The following ZDHHC14 variants were observed in gnomAD, a reference collection of about 807,000 sequenced individuals.
ZDHHC14 encodes the protein zDHHC palmitoyltransferase 14, also known as palmitoyltransferase ZDHHC14.
ZDHHC14 carries 16 observed loss-of-function variants against 47.7 expected under a neutral mutation model. The ratio of observed to expected loss-of-function variants is 0.34; its 90% CI spans 0.23 to 0.51. The LOEUF is 0.51. Among genes scored for constraint, ZDHHC14 ranks in the 20% least tolerant of loss-of-function variants. ZDHHC14 has a pLI of 0.97. For synonymous variants in ZDHHC14, 293 were observed against 278.9 expected, an observed-to-expected ratio of 1.05 and a Z score of -0.50; for missense variants, 515 against 662.5, an observed-to-expected ratio of 0.78 and a Z score of 2.44.
intron 8 of ZDHHC14, 97 bp downstream of exon 8, chr6:157,653,724 G>A (rs1777951210): frequency 7.8e-7 from 1 of 1,281,284 alleles, no homozygotes; most frequent in African/African-American, 1.5e-5. Context: ...ACCTCCCCAG[G>A]AGCGGGGGCA....
chr6:157,672,641 C>CCCGG, intron 8 of ZDHHC14, 83 bp from the exon 9 acceptor site: 1 of 503,004 alleles, frequency 2.0e-6, no homozygotes, highest in Non-Finnish European at 3.5e-6. Flanking sequence ...CCTCCCCGCC[C>CCCGG]GTGCCCTGTC....
intron 8 of ZDHHC14, among the ~76,000 whole-genome samples, chr6:157,669,882 G>A (rs1778715979): frequency 6.6e-6 from 1 of 152,246 alleles, no homozygotes; most frequent in Non-Finnish European, 1.5e-5. Context: ...GAGTGCCGCT[G>A]CGGCTCAGCT....
chr6:157,447,419 A>T (rs190230746), intron 1 of ZDHHC14, among the ~76,000 whole-genome samples: 6 of 152,350 alleles, frequency 3.9e-5, no homozygotes, highest in Non-Finnish European at 7.3e-5. Context: ...CGGAGGCTGC[A>T]CAGGCTCTTC....
chr6:157,490,079 G>T (rs551501529), intron 1 of ZDHHC14, among the ~76,000 whole-genome samples: 19 of 152,122 alleles, frequency 1.2e-4, no homozygotes, highest in African/African-American at 4.8e-5. Flanking sequence ...GAGATCAAGG[G>T]TGACCCCCCT....
At chr6:157,629,485 G>A (rs1206751945) in intron 4 of ZDHHC14, 1 of 152,200 alleles carries the variant, frequency 6.6e-6, no homozygotes, top group Non-Finnish European at 1.5e-5. Flanking sequence ...GCTCACGTTA[G>A]GAGTACATCT....
chr6:157,543,276 A>G (rs1410629977), intron 2 of ZDHHC14, among the ~76,000 whole-genome samples: 2 of 152,122 alleles, frequency 1.3e-5, no homozygotes, highest in African/African-American at 2.4e-5. Flanking sequence ...TAAAACCTAT[A>G]CTAAAGTTTA....
intron 2 of ZDHHC14, among the ~76,000 whole-genome samples, chr6:157,576,642 C>T (rs1009283033): frequency 1.3e-5 from 2 of 152,206 alleles, no homozygotes; most frequent in East Asian, 1.9e-4. Flanking sequence ...TGTACTCCAG[C>T]AAATTCAATA....
At position 157,672,624 on chromosome 6, in the gene ZDHHC14, A is replaced by AGCCCCC; in HGVS notation, c.1069-100_1069-99insGCCCCC. 2.2e-5 allele frequency: 6 copies of AGCCCCC among 273,142 alleles called. 1 individual carries two copies. The highest frequency in any genetic ancestry group is 2.9e-5 in the Non-Finnish European group (4 of 138,150). The allele number at this position is 273,142 out of a possible 1,614,324, so 16.9% of individuals were successfully genotyped here. A position where few individuals can be genotyped will look rare whatever the true frequency, so the allele number is the denominator to read the frequency against. On this transcript the variant is annotated intron_variant, in intron 8 of 8. Coordinates refer to ENST00000359775, the MANE Select transcript of ZDHHC14 (RefSeq NM_024630.3). ...TCACTAACGGTTTCTCTCTTCTCGCACCCCACCCTCCCCGCCCGTGCCCTG... is the reference window on the plus strand; with the variant it reads ...TCACTAACGGTTTCTCTCTTCTCGCAGCCCCCCCCCACCCTCCCCGCCCGTGCCCTG...
chr6:157,410,420 T>A (rs1388756508), intron 1 of ZDHHC14, among the ~76,000 whole-genome samples: 1 of 152,186 alleles, frequency 6.6e-6, no homozygotes, highest in Non-Finnish European at 1.5e-5. Context: ...TATAAAAAAA[T>A]GATTCTGAAT....
At chr6:157,611,290 G>A (rs1377236225) in intron 3 of ZDHHC14, among the ~76,000 whole-genome samples, 3 of 152,270 alleles carry the variant, frequency 2.0e-5, no homozygotes, top group South Asian at 2.1e-4. Flanking sequence ...ATGAGCCCCC[G>A]CGCCTGGCCA....
At chr6:157,484,289 ATGTG>A (rs534904454) in intron 1 of ZDHHC14, among the ~76,000 whole-genome samples, 12 of 96,204 alleles carry the variant, frequency 1.2e-4, no homozygotes, top group African/African-American at 4.1e-4. Flanking sequence ...GTATATATAT[ATGTG>A]TATATATATA....
chr6:157,381,579 C>A lies in ZDHHC14; in HGVS notation c.-443C>A, dbSNP rs1233634761. 1.5e-5 allele frequency: 6 copies of A among 398,516 alleles called. No individual in the cohort carries two copies. The highest frequency in any genetic ancestry group is 3.0e-5 in the Non-Finnish European group (6 of 199,532). 24.7% of individuals were successfully genotyped at this position (398,516 alleles called of 1,614,324 possible). ...CAGAAGTGGCTCCCGAGGAAGCCGG[C>A]GCCGGGGCCGCCGCCTCGTGTCCCC... On this transcript the variant is annotated 5_prime_UTR_variant, in exon 1 of 9. Coordinates refer to ENST00000359775, the MANE Select transcript of ZDHHC14 (RefSeq NM_024630.3).
intron 2 of ZDHHC14, among the ~76,000 whole-genome samples, chr6:157,571,620 C>G (rs1783099435): frequency 6.6e-6 from 1 of 152,102 alleles, no homozygotes; most frequent in Admixed American, 6.6e-5. Context: ...TGCTTAGATT[C>G]CCCAGCTAAT....
chr6:157,540,910 G>GTGTATATA (rs1284429244), intron 1 of ZDHHC14, among the ~76,000 whole-genome samples: 6 of 122,978 alleles, frequency 4.9e-5, no homozygotes, highest in African/African-American at 2.6e-4. Flanking sequence ...GTGTGTGTGT[G>GTGTATATA]TATATATATA....
At chr6:157,598,280 AG>A (rs555590562) in intron 3 of ZDHHC14, among the ~76,000 whole-genome samples, 48 of 152,220 alleles carry the variant, frequency 3.2e-4, no homozygotes, top group Non-Finnish European at 6.2e-4. Context: ...GGGTATGATG[AG>A]GGGGCTATTA....
chr6:157,410,219 ATT>A (rs1398973709), intron 1 of ZDHHC14, among the ~76,000 whole-genome samples: 1 of 152,030 alleles, frequency 6.6e-6, no homozygotes, highest in Non-Finnish European at 1.5e-5. Context: ...ACTTAGTGGC[ATT>A]TTTTTGTTTT....
At chr6:157,562,870 C>T (rs527804190) in intron 2 of ZDHHC14, among the ~76,000 whole-genome samples, 4 of 152,214 alleles carry the variant, frequency 2.6e-5, no homozygotes, top group Non-Finnish European at 4.4e-5. Context: ...GGTTCCCTCC[C>T]GCCTCCCACC....
At chr6:157,500,061 A>C (rs1439540440) in intron 1 of ZDHHC14, among the ~76,000 whole-genome samples, 1 of 152,254 alleles carries the variant, frequency 6.6e-6, no homozygotes, top group Non-Finnish European at 1.5e-5. Flanking sequence ...AGGGTGAAGC[A>C]GTAGACCATG....
At chr6:157,483,760 G>A (rs139798881) in intron 1 of ZDHHC14, among the ~76,000 whole-genome samples, 1,772 of 152,238 alleles carry the variant, frequency 0.012, 38 homozygotes, top group African/African-American at 0.041. Context: ...GGGTAGGTGT[G>A]CACACGCTTG....
Sources: gnomAD v4.1 joint callset for allele counts (sites outside exome capture counted in the v4.1 genomes callset) on GRCh38, gnomAD v4.1.1 for gene constraint, MANE v1.5 for transcripts, NCBI Gene and HGNC (gene_info 2026-07-23, HGNC 2026-07-21) for gene names.